Variants in ANKRD55 observed in about 807,000 individuals in gnomAD.
ANKRD55 encodes the protein ankyrin repeat domain-containing protein 55.
ANKRD55 carries 41 observed loss-of-function variants against 60.6 expected under a neutral mutation model. That is an observed-to-expected ratio of 0.68 (90% CI 0.53 to 0.88). The LOEUF (loss-of-function observed/expected upper bound fraction) is 0.88, where lower values mean the gene tolerates loss of function less well. ANKRD55 is among the 40% of genes least tolerant of loss of function. The pLI is 0.00. For missense variants in ANKRD55, 732 were observed against 767.6 expected, an observed-to-expected ratio of 0.95 and a Z score of 0.55; for synonymous variants, 264 against 290.3, an observed-to-expected ratio of 0.91 and a Z score of 0.92.
intron 6 of ANKRD55, among the ~76,000 whole-genome samples, chr5:56,145,342 T>C (rs1757871169): frequency 6.6e-6 from 1 of 152,186 alleles, no homozygotes; most frequent in East Asian, 1.9e-4. Context: ...GATGGAAACC[T>C]TCCCCAGGCC....
chr5:56,225,304 C>T (rs1040521992), intron 2 of ANKRD55, among the ~76,000 whole-genome samples: 1 of 152,072 alleles, frequency 6.6e-6, no homozygotes, highest in African/African-American at 2.4e-5. Context: ...TAAAAACTCT[C>T]GATAAATTAG....
intron 2 of ANKRD55, among the ~76,000 whole-genome samples, chr5:56,208,999 C>T (rs1199010471): frequency 6.6e-6 from 1 of 151,740 alleles, no homozygotes; most frequent in East Asian, 1.9e-4. Context: ...GCTCTGTCAC[C>T]CAGGCTGGAA....
intron 6 of ANKRD55, among the ~76,000 whole-genome samples, chr5:56,145,030 C>T (rs1482069098): frequency 2.6e-5 from 4 of 152,230 alleles, no homozygotes; most frequent in Non-Finnish European, 5.9e-5. Flanking sequence ...CCTTGGCTTT[C>T]TCTGTTCCTT....
intron 5 of ANKRD55, among the ~76,000 whole-genome samples, chr5:56,166,401 G>C (rs531935759): frequency 7.3e-5 from 11 of 151,690 alleles, no homozygotes; most frequent in African/African-American, 2.7e-4. Context: ...AGGACTACAG[G>C]AGCACACCAC....
intron 6 of ANKRD55, among the ~76,000 whole-genome samples, chr5:56,148,509 A>T (rs902484790): frequency 6.6e-6 from 1 of 152,238 alleles, no homozygotes; most frequent in Non-Finnish European, 1.5e-5. Context: ...GATTGCTGAT[A>T]AGACAAAATG....
rs547915220 is a variant in ANKRD55, at chr5:56,224,657, A to G, written c.58+8199T>C. Among the ~76,000 whole-genome samples the G allele has an allele frequency of 8.8e-4, 134 of 152,356 alleles. 1 individual carries two copies. Among genetic ancestry groups the G allele is most frequent in the African/African-American group, 2.0e-3 (82 of 41,588 alleles). ...AAAAAATGATAAAGGGGATATCACCACTGATCCCACAGAGATACAAACTAC... is the reference window on the plus strand; with the variant it reads ...AAAAAATGATAAAGGGGATATCACCGCTGATCCCACAGAGATACAAACTAC... On this transcript the variant is annotated intron_variant, in intron 2 of 11. Transcript: ENST00000341048.
chr5:56,232,887 G>A lies in ANKRD55; in HGVS notation c.27C>T (p.Phe9=), dbSNP rs764391102. 6.2e-7 allele frequency: 1 copy of A among 1,614,158 alleles called. No homozygotes were observed. Residue 9 remains phenylalanine, a synonymous_variant, in exon 2 of 12, where the codon TTC becomes TTT. Transcript: ENST00000341048. MMRQATMD[F]STPSVFDQQR... ...GCTGATCAAACACAGAAGGGGTGCT[G>A]AAATCCATGGTAGCCTGTCTCATCA...
chr5:56,168,825 C>G (rs929982180), intron 5 of ANKRD55, among the ~76,000 whole-genome samples: 5 of 152,324 alleles, frequency 3.3e-5, no homozygotes, highest in African/African-American at 1.2e-4. Context: ...AGCCACCTAC[C>G]ACCCCCCTAC....
At chr5:56,210,376 C>G (rs919195592) in intron 2 of ANKRD55, among the ~76,000 whole-genome samples, 5 of 151,796 alleles carry the variant, frequency 3.3e-5, no homozygotes, top group Non-Finnish European at 7.4e-5. Context: ...AGACTGAGAC[C>G]ACGGTGAAAC....
chr5:56,112,300 C>A (rs1158276065), intron 9 of ANKRD55, among the ~76,000 whole-genome samples: 4 of 151,916 alleles, frequency 2.6e-5, no homozygotes, highest in African/African-American at 9.7e-5. Flanking sequence ...TGCTGACCGA[C>A]TGACATTATC....
chr5:56,162,162 A>G (rs868067445), intron 5 of ANKRD55: 1 of 345,338 alleles, frequency 2.9e-6, no homozygotes, highest in African/African-American at 2.2e-5. Context: ...GACAGAGATT[A>G]TCTGTAGCCA....
At chr5:56,200,579 T>C (rs1302461360) in intron 2 of ANKRD55, among the ~76,000 whole-genome samples, 2 of 152,200 alleles carry the variant, frequency 1.3e-5, no homozygotes, top group Non-Finnish European at 2.9e-5. Context: ...AGTTCCTTTT[T>C]TAGAGCTTCA....
intron 7 of ANKRD55, among the ~76,000 whole-genome samples, chr5:56,131,441 C>G (rs55716662): frequency 6.6e-6 from 1 of 152,212 alleles, no homozygotes; most frequent in East Asian, 1.9e-4. Context: ...TAAATACTTT[C>G]TTAGATAAAC....
intron 2 of ANKRD55, among the ~76,000 whole-genome samples, chr5:56,187,724 G>T (rs768165079): frequency 6.6e-6 from 1 of 152,204 alleles, no homozygotes; most frequent in Non-Finnish European, 1.5e-5. Flanking sequence ...CGAGCTGAAC[G>T]CTAGTCACTG....
chr5:56,109,942 C>T (rs1471458150), intron 10 of ANKRD55, among the ~76,000 whole-genome samples: 4 of 151,900 alleles, frequency 2.6e-5, no homozygotes, highest in Non-Finnish European at 2.9e-5. Flanking sequence ...CGCTTGAACC[C>T]GGGAAGCGGA....
chr5:56,157,941 G>A, intron 6 of ANKRD55, among the ~76,000 whole-genome samples: 1 of 152,084 alleles, frequency 6.6e-6, no homozygotes, highest in East Asian at 1.9e-4. Context: ...AACGTTCACA[G>A]GTATGGAGGG....
At chr5:56,199,849 C>CCACT (rs1437302530) in intron 2 of ANKRD55, among the ~76,000 whole-genome samples, 1 of 149,810 alleles carries the variant, frequency 6.7e-6, no homozygotes. Flanking sequence ...CGAGATCGCA[C>CCACT]CACTACACTC....
intron 10 of ANKRD55, among the ~76,000 whole-genome samples, chr5:56,109,471 C>G (rs547999725): frequency 2.6e-5 from 4 of 151,726 alleles, no homozygotes; most frequent in Non-Finnish European, 5.9e-5. Context: ...TGGCACCGAA[C>G]AGGTTTCGGA....
chr5:56,206,852 T>C (rs1430645093), intron 2 of ANKRD55, among the ~76,000 whole-genome samples: 1 of 152,220 alleles, frequency 6.6e-6, no homozygotes, highest in Non-Finnish European at 1.5e-5. Context: ...TGAAAGGTGC[T>C]ACTGCCTGAG....
Sources: allele counts gnomAD v4.1 joint callset (sites outside exome capture counted in the v4.1 genomes callset), GRCh38; gene constraint gnomAD v4.1.1; transcripts MANE v1.5; gene names NCBI Gene and HGNC (gene_info 2026-07-23, HGNC 2026-07-21).